NEGR1: variants seen among roughly 807,000 people sequenced by gnomAD.
NEGR1 encodes the protein neuronal growth regulator 1.
Under a neutral mutation model 40.9 loss-of-function variants are expected in NEGR1, and 10 were observed. That is an observed-to-expected ratio of 0.24 (90% CI 0.15 to 0.42). The LOEUF (loss-of-function observed/expected upper bound fraction) is 0.42, where lower values mean the gene tolerates loss of function less well. Among genes scored for constraint, NEGR1 ranks in the 10% least tolerant of loss-of-function variants. The pLI, the probability that NEGR1 is intolerant of heterozygous loss-of-function variation, is 1.00. For synonymous variants in NEGR1, 185 were observed against 166.8 expected (o/e 1.11, Z -0.84); for missense variants, 352 against 438.9 (o/e 0.80, Z 1.77).
chr1:71,666,693 T>C (rs890976217), intron 4 of NEGR1, among the ~76,000 whole-genome samples: 14 of 152,176 alleles, frequency 9.2e-5, no homozygotes, highest in Admixed American at 1.3e-4. Context: ...TTCTGTAAAT[T>C]TATGGCAAAG....
intron 1 of NEGR1, among the ~76,000 whole-genome samples, chr1:72,201,363 A>G (rs1160869610): frequency 6.6e-6 from 1 of 151,592 alleles, no homozygotes; most frequent in African/African-American, 2.4e-5. Flanking sequence ...ACATAAAACT[A>G]TAGTGATACA....
intron 4 of NEGR1, among the ~76,000 whole-genome samples, chr1:71,668,928 A>C (rs1056123990): frequency 6.6e-5 from 10 of 151,972 alleles, no homozygotes; most frequent in African/African-American, 2.4e-4. Flanking sequence ...GTTTTATATA[A>C]TTCCTGATTT....
chr1:71,846,951 A>G (rs1659438654), intron 2 of NEGR1, among the ~76,000 whole-genome samples: 1 of 152,112 alleles, frequency 6.6e-6, no homozygotes, highest in Non-Finnish European at 1.5e-5. Context: ...AGGGACACAA[A>G]TTTTCAGACC....
At chr1:71,907,579 C>T (rs1350297126) in intron 2 of NEGR1, among the ~76,000 whole-genome samples, 1 of 152,104 alleles carries the variant, frequency 6.6e-6, no homozygotes, top group Non-Finnish European at 1.5e-5. Flanking sequence ...ATTAGTTCAG[C>T]AACTGTGGAA....
intron 5 of NEGR1, among the ~76,000 whole-genome samples, chr1:71,603,032 TAAAC>T (rs1174245574): frequency 4.6e-5 from 7 of 152,304 alleles, no homozygotes; most frequent in East Asian, 3.9e-4. Context: ...AATAAAATAA[TAAAC>T]AACATAACAC....
chr1:71,979,972 C>T (rs1646340367), intron 1 of NEGR1, among the ~76,000 whole-genome samples: 1 of 152,006 alleles, frequency 6.6e-6, no homozygotes, highest in Non-Finnish European at 1.5e-5. Flanking sequence ...TGAAACAAAA[C>T]AAAACAAAGA....
At chr1:71,489,160 T>C (rs990832854) in intron 6 of NEGR1, among the ~76,000 whole-genome samples, 5 of 151,836 alleles carry the variant, frequency 3.3e-5, no homozygotes, top group African/African-American at 1.2e-4. Flanking sequence ...GAGGCAAATA[T>C]TCCCTTTCTC....
chr1:71,612,040 G>A (rs1017658846), intron 4 of NEGR1, among the ~76,000 whole-genome samples: 1 of 152,186 alleles, frequency 6.6e-6, no homozygotes, highest in Admixed American at 6.5e-5. Context: ...GGCTAACACA[G>A]TGAAACCCCA....
intron 2 of NEGR1, among the ~76,000 whole-genome samples, chr1:71,831,916 T>A (rs748042739): frequency 6.6e-6 from 1 of 151,870 alleles, no homozygotes; most frequent in African/African-American, 2.4e-5. Context: ...TAGGGAGTAC[T>A]GACTAGAATG....
intron 1 of NEGR1, among the ~76,000 whole-genome samples, chr1:72,036,868 A>G (rs1569858754): frequency 1.3e-5 from 2 of 152,196 alleles, no homozygotes; most frequent in East Asian, 3.9e-4. Context: ...TTTTGCAACA[A>G]GGTGAGATAT....
At chr1:71,527,357 T>A (rs1424396742) in intron 6 of NEGR1, among the ~76,000 whole-genome samples, 1 of 150,856 alleles carries the variant, frequency 6.6e-6, no homozygotes, top group Non-Finnish European at 1.5e-5. Flanking sequence ...CACAAATAAG[T>A]GTGTCTTCCA....
intron 1 of NEGR1, among the ~76,000 whole-genome samples, chr1:72,044,639 T>C (rs1299766565): frequency 6.6e-6 from 1 of 151,820 alleles, no homozygotes; most frequent in Non-Finnish European, 1.5e-5. Context: ...AAATCATACT[T>C]TCATTCAGTG....
At chr1:71,897,079 T>G (rs1292616430) in intron 2 of NEGR1, among the ~76,000 whole-genome samples, 4 of 152,192 alleles carry the variant, frequency 2.6e-5, no homozygotes, top group Admixed American at 6.5e-5. Flanking sequence ...GATTCCTTTT[T>G]TAATCTCACA....
chr1:71,412,193 C>T (rs1002968568), intron 6 of NEGR1, among the ~76,000 whole-genome samples: 1 of 152,122 alleles, frequency 6.6e-6, no homozygotes, highest in Non-Finnish European at 1.5e-5. Context: ...CACACCGCTT[C>T]TTCACTCTAG....
At chr1:71,828,452 T>C (rs988575737) in intron 2 of NEGR1, among the ~76,000 whole-genome samples, 4 of 151,892 alleles carry the variant, frequency 2.6e-5, no homozygotes, top group Non-Finnish European at 5.9e-5. Flanking sequence ...ACACACCCTG[T>C]TGTTGCTATA....
intron 1 of NEGR1, among the ~76,000 whole-genome samples, chr1:72,245,844 A>T (rs933174390): frequency 2.6e-5 from 4 of 152,160 alleles, no homozygotes; most frequent in Non-Finnish European, 5.9e-5. Context: ...TGCTTCAAAA[A>T]TTGTTTTGCA....
At chr1:72,046,392 C>G (rs1647002560) in intron 1 of NEGR1, among the ~76,000 whole-genome samples, 1 of 151,264 alleles carries the variant, frequency 6.6e-6, no homozygotes, top group Non-Finnish European at 1.5e-5. Context: ...GAAAAGTATA[C>G]AAAGAAAAAT....
At chr1:71,649,263 C>A (rs1443182854) in intron 4 of NEGR1, among the ~76,000 whole-genome samples, 2 of 152,040 alleles carry the variant, frequency 1.3e-5, no homozygotes, top group Non-Finnish European at 2.9e-5. Flanking sequence ...TTTAAACCAG[C>A]ATAGCCTTTT....
At chr1:71,502,633 T>C (rs1337778661) in intron 6 of NEGR1, among the ~76,000 whole-genome samples, 1 of 152,164 alleles carries the variant, frequency 6.6e-6, no homozygotes, top group Non-Finnish European at 1.5e-5. Context: ...TGTCTGGGCT[T>C]ACTGGCTCCC....
Sources: gnomAD v4.1 joint callset for allele counts (sites outside exome capture counted in the v4.1 genomes callset) on GRCh38, gnomAD v4.1.1 for gene constraint, MANE v1.5 for transcripts, NCBI Gene and HGNC (gene_info 2026-07-23, HGNC 2026-07-21) for gene names.